The following MICU1 variants were observed in gnomAD, a reference collection of about 807,000 sequenced individuals.
MICU1 encodes the protein calcium uptake protein 1, mitochondrial.
MICU1 carries 45 observed loss-of-function variants against 56.8 expected under a neutral mutation model. The observed-to-expected ratio is 0.79, with a 90% CI of 0.62 to 1.02. The LOEUF (loss-of-function observed/expected upper bound fraction) is 1.02. MICU1 is among the 50% of genes least tolerant of loss of function. The pLI, the probability that MICU1 is intolerant of heterozygous loss-of-function variation, is 0.00. For missense variants in MICU1, 504 were observed against 587.1 expected (o/e 0.86, Z 1.46); for synonymous variants, 186 against 195.1 (o/e 0.95, Z 0.39).
chr10:72,533,561 A>C (rs1451535218), intron 5 of MICU1, among the ~76,000 whole-genome samples, 185 bp downstream of exon 5: 1 of 152,208 alleles, frequency 6.6e-6, no homozygotes, highest in Admixed American at 6.5e-5. Context: ...CTTACATGGA[A>C]AAATATAGAA....
chr10:72,475,656 G>A (rs537450336), intron 7 of MICU1, among the ~76,000 whole-genome samples: 6 of 152,024 alleles, frequency 3.9e-5, no homozygotes, highest in African/African-American at 9.6e-5. Flanking sequence ...CTTGAACTCC[G>A]GACCTCAAGT....
chr10:72,457,774 A>G (rs1865518531), intron 8 of MICU1, among the ~76,000 whole-genome samples: 1 of 152,150 alleles, frequency 6.6e-6, no homozygotes, highest in South Asian at 2.1e-4. Context: ...CACAACAAAA[A>G]AACACCAATG....
At chr10:72,439,232 A>G (rs1864838821) in intron 8 of MICU1, among the ~76,000 whole-genome samples, 1 of 152,254 alleles carries the variant, frequency 6.6e-6, no homozygotes, top group South Asian at 2.1e-4. Flanking sequence ...CCTGGGATGC[A>G]AGGCTGGTTC....
chr10:72,578,549 G>A (rs150839281), intron 1 of MICU1, among the ~76,000 whole-genome samples: 6,044 of 151,876 alleles, frequency 0.04, 394 homozygotes, highest in African/African-American at 0.13. Context: ...ACAGGTGTGA[G>A]CCACCATGCC....
At chr10:72,564,522 G>C (rs931453181) in intron 2 of MICU1, among the ~76,000 whole-genome samples, 7 of 130,136 alleles carry the variant, frequency 5.4e-5, no homozygotes, top group Non-Finnish European at 4.7e-5. Context: ...CTGGGTGACA[G>C]AGTGAGACTC....
chr10:72,396,358 A>G (rs1863259234), intron 10 of MICU1, among the ~76,000 whole-genome samples: 1 of 152,244 alleles, frequency 6.6e-6, no homozygotes. Context: ...TGAAAATTCT[A>G]AAAAGCAGAG....
intron 6 of MICU1, among the ~76,000 whole-genome samples, chr10:72,488,643 T>C (rs1443593334): frequency 1.3e-5 from 2 of 152,242 alleles, no homozygotes; most frequent in Non-Finnish European, 2.9e-5. Flanking sequence ...GATTTTTTTT[T>C]TCCCCACTGC....
chr10:72,612,153 A>T (rs527977907), intron 1 of MICU1, among the ~76,000 whole-genome samples: 5 of 152,264 alleles, frequency 3.3e-5, no homozygotes, highest in Non-Finnish European at 5.9e-5. Context: ...ATATTGGGAA[A>T]ATCAACTAGT....
At chr10:72,453,573 A>G (rs1170146085) in intron 8 of MICU1, among the ~76,000 whole-genome samples, 1 of 152,120 alleles carries the variant, frequency 6.6e-6, no homozygotes, top group African/African-American at 2.4e-5. Flanking sequence ...CTTGTTGCCC[A>G]GGCTGGAGTG....
At chr10:72,463,760 G>GTATAATTATATTTATACACTATATA (rs1865706832) in intron 8 of MICU1, among the ~76,000 whole-genome samples, 1 of 152,130 alleles carries the variant, frequency 6.6e-6, no homozygotes, top group Admixed American at 6.6e-5. Flanking sequence ...TACCCTAAGT[G>GTATAATTATATTTATACACTATATA]TACAGTGTAT....
chr10:72,527,193 GTTTT>G (rs34565195), intron 5 of MICU1, among the ~76,000 whole-genome samples: 1 of 150,844 alleles, frequency 6.6e-6, no homozygotes, highest in Non-Finnish European at 1.5e-5. Context: ...AAACATCAAG[GTTTT>G]TTTTTGAGCA....
chr10:72,607,161 T>C (rs1441313340), intron 1 of MICU1, among the ~76,000 whole-genome samples: 2 of 151,674 alleles, frequency 1.3e-5, no homozygotes, highest in Admixed American at 1.3e-4. Flanking sequence ...GCCAACATGG[T>C]GAAACCCTGT....
chr10:72,552,728 G>C (rs1840065367), intron 3 of MICU1, among the ~76,000 whole-genome samples: 1 of 152,004 alleles, frequency 6.6e-6, no homozygotes, highest in South Asian at 2.1e-4. Flanking sequence ...CTAATGTTTT[G>C]TATTTTTACT....
At chr10:72,379,703 C>T (rs1862639143) in intron 10 of MICU1, 4 of 249,972 alleles carry the variant, frequency 1.6e-5, no homozygotes, top group South Asian at 1.4e-4. Flanking sequence ...CTTCTGGAGG[C>T]CTCCAGCAAG....
chr10:72,429,186 A>G (rs1864444416), intron 8 of MICU1, among the ~76,000 whole-genome samples: 1 of 152,094 alleles, frequency 6.6e-6, no homozygotes. Context: ...TTGGGAGGCC[A>G]AGGTGGGAGG....
At chr10:72,490,080 T>C (rs1589271746) in intron 6 of MICU1, among the ~76,000 whole-genome samples, 1 of 152,172 alleles carries the variant, frequency 6.6e-6, no homozygotes, top group Non-Finnish European at 1.5e-5. Context: ...AGGGACCAAA[T>C]AGTGGGAAAG....
At chr10:72,405,080 T>C (rs1863583070) in intron 10 of MICU1, among the ~76,000 whole-genome samples, 1 of 151,118 alleles carries the variant, frequency 6.6e-6, no homozygotes, top group African/African-American at 2.4e-5. Context: ...CTACTTTTTG[T>C]TATTTTTAGT....
intron 5 of MICU1, among the ~76,000 whole-genome samples, chr10:72,528,564 C>T (rs1307648989): frequency 2.0e-5 from 3 of 152,080 alleles, no homozygotes; most frequent in Non-Finnish European, 2.9e-5. Context: ...GTCATATTAA[C>T]CTGTTATCTA....
At chr10:72,525,213 T>C (rs1867929516) in intron 5 of MICU1, among the ~76,000 whole-genome samples, 1 of 151,126 alleles carries the variant, frequency 6.6e-6, no homozygotes. Context: ...TGTTGTTAGC[T>C]AATTTAGCTG....
Sources: allele counts gnomAD v4.1 joint callset (sites outside exome capture counted in the v4.1 genomes callset), GRCh38; gene constraint gnomAD v4.1.1; transcripts MANE v1.5; gene names NCBI Gene and HGNC (gene_info 2026-07-23, HGNC 2026-07-21).